The following RAP1GAP variants were observed in gnomAD, a reference collection of about 807,000 sequenced individuals.
RAP1GAP encodes rap1 GTPase-activating protein 1.
A neutral mutation model predicts 87.2 loss-of-function variants in RAP1GAP; 35 were observed. The observed-to-expected ratio is 0.40, with a 90% CI of 0.31 to 0.53. The LOEUF is 0.53. Among genes scored for constraint, RAP1GAP ranks in the 20% least tolerant of loss-of-function variants. The pLI is 0.48. For missense variants in RAP1GAP, 734 were observed against 898.9 expected (o/e 0.82, Z 2.35); for synonymous variants, 375 against 363.9 (o/e 1.03, Z -0.35).
rs553419960 is a variant in RAP1GAP at position 21,608,397 on chromosome 1, C to T, written c.1159-47G>A. 3 of 1,588,482 alleles carry T rather than the reference C, an allele frequency of 1.9e-6. No individual in the cohort carries two copies. The Admixed American group carries it at 5.2e-5, about 28-fold the overall frequency. On this transcript the variant is annotated intron_variant, in intron 16 of 24. Coordinates refer to ENST00000374765, the MANE Select transcript of RAP1GAP (RefSeq NM_002885.4). ...TCAGGAGGGACCCCAAGGATCAGCC[C>T]TTCGGCCCACAGTTCAAATCCTGGC...
chr1:21,603,034 C>T lies in RAP1GAP; in HGVS notation c.1429-121G>A, dbSNP rs547236640. ...AGCAGAGTTGATGAGCAAGAAAGAACGAGAGAAGATATCCATTCCCAGAGA... is the reference window on the plus strand; with the variant it reads ...AGCAGAGTTGATGAGCAAGAAAGAATGAGAGAAGATATCCATTCCCAGAGA... On this transcript the variant is annotated intron_variant, in intron 18 of 24. Transcript: ENST00000374765. The surrounding 1 kb of genome is among the most constrained non-coding windows in gnomAD (Gnocchi z 6.0). The T allele has an allele frequency of 1.6e-5, 11 of 680,914 alleles. No individual in the cohort carries two copies. Among genetic ancestry groups the T allele is most frequent in the Admixed American group, 5.6e-5 (2 of 35,536 alleles). The allele number at this position is 680,914 out of a possible 1,614,324, so 42.2% of individuals were successfully genotyped here.
intron 2 of RAP1GAP, among the ~76,000 whole-genome samples, chr1:21,627,287 CGCTGGTGGCCTACA>C (rs2092499642): frequency 6.6e-6 from 1 of 152,140 alleles, no homozygotes; most frequent in South Asian, 2.1e-4. Flanking sequence ...CTCAGATGAT[CGCTGGTGGCCTACA>C]GCAGGCTTGA....
rs1558653505 is a variant in RAP1GAP, at chr1:21,608,911, A to T, written c.1097T>A (p.Leu366Gln). ...RKGPEFQEFL[L>Q]TKLINAEYAC... ...ATATTCAGCATTGATCAGCTTTGTC[A>T]GCAAAAATTCCTGGAACTCAGGCCC... Residue 366 changes from leucine to glutamine, a missense_variant, in exon 16 of 25, where the codon CTG becomes CAG. Transcript: ENST00000374765. 6.2e-7 allele frequency: 1 copy of T among 1,614,128 alleles called. No individual in the cohort carries two copies. Among genetic ancestry groups the T allele is most frequent in the Non-Finnish European group, 8.5e-7 (1 of 1,179,976 alleles).
intron 1 of RAP1GAP, among the ~76,000 whole-genome samples, chr1:21,660,611 G>T (rs1226149342): frequency 6.6e-6 from 1 of 151,908 alleles, no homozygotes; most frequent in Non-Finnish European, 1.5e-5. Flanking sequence ...CAGGATTACA[G>T]GCAAGAGCCA....
chr1:21,606,812 G>C (rs2074959704), intron 17 of RAP1GAP, among the ~76,000 whole-genome samples: 2 of 152,312 alleles, frequency 1.3e-5, no homozygotes, highest in South Asian at 4.1e-4. Context: ...GCAGGGGTGA[G>C]CCCGGCATGC....
At chr1:21,608,475 C>T (rs1242284875) in intron 16 of RAP1GAP, 125 bp from the exon 17 acceptor site, 16 of 1,307,268 alleles carry the variant, frequency 1.2e-5, no homozygotes, top group Admixed American at 5.2e-5. Flanking sequence ...GTGGGGAGGG[C>T]GGAGGGCTCC....
In RAP1GAP at chr1:21,637,972, CA is replaced by C. The variant is rs35411110; in HGVS notation, c.-112-11576del. Among the ~76,000 whole-genome samples the C allele has an allele frequency of 9.7e-3, 680 of 70,128 alleles. 2 individuals carry two copies. The highest frequency in any genetic ancestry group is 0.02 in the African/African-American group (333 of 17,032). 46.0% of individuals were successfully genotyped at this position (70,128 alleles called of 152,430 possible). A position where few individuals can be genotyped will look rare whatever the true frequency, so the allele number is the denominator to read the frequency against. On this transcript the variant is annotated intron_variant, in intron 2 of 24. Coordinates refer to ENST00000374765, the MANE Select transcript of RAP1GAP (RefSeq NM_002885.4). ...CAACATAGCAAAACCCCATCTCTAC[CA>C]AAAAAAAAAAAAAAAAAAACCACAA... is the stretch of plus-strand genomic sequence containing the variant.
At chr1:21,637,947 C>A (rs1420274230) in intron 2 of RAP1GAP, among the ~76,000 whole-genome samples, 1 of 96,708 alleles carries the variant, frequency 1.0e-5, no homozygotes, top group Non-Finnish European at 1.9e-5. Context: ...CCATCCTGGG[C>A]AACATAGCAA....
intron 3 of RAP1GAP, 143 bp from the exon 4 acceptor site, chr1:21,620,193 G>A (rs1376154284): frequency 7.3e-6 from 6 of 826,176 alleles, no homozygotes; most frequent in Middle Eastern, 2.3e-4. Context: ...AGTGACGGGA[G>A]CATCGTGGGA....
chr1:21,608,196 G>A lies in RAP1GAP; in HGVS notation c.1296+17C>T, dbSNP rs745551645. 1.2e-6 allele frequency: 2 copies of A among 1,613,146 alleles called. No individual in the cohort carries two copies. The highest frequency in any genetic ancestry group is 4.5e-5 in the East Asian group (2 of 44,858). On this transcript the variant is annotated intron_variant, in intron 17 of 24. Transcript: ENST00000374765. ...CACGTCCCTGCTCCCCGGCCAGTTAGACCTGGGGCCCTTCACCTTGAAAGA... is the reference window on the plus strand; with the variant it reads ...CACGTCCCTGCTCCCCGGCCAGTTAAACCTGGGGCCCTTCACCTTGAAAGA...
chr1:21,611,331 C>T lies in RAP1GAP; in HGVS notation c.843+121G>A, dbSNP rs1000976872. ...CAACGAGACCCCACAAGTGGGGGCG[C>T]TGATCATTTCCATCTCCATCCCAGG... On this transcript the variant is annotated intron_variant, in intron 13 of 24. Coordinates refer to ENST00000374765, the MANE Select transcript of RAP1GAP (RefSeq NM_002885.4). 1.5e-5 allele frequency: 20 copies of T among 1,358,716 alleles called. No homozygotes were observed. The South Asian group carries it at 2.8e-4, about 19-fold the overall frequency. The allele number at this position is 1,358,716 out of a possible 1,614,324, so 84.2% of individuals were successfully genotyped here.
rs2149535145 is a variant in RAP1GAP, at chr1:21,615,490, CA to C, written c.292-1402del. 6.6e-6 allele frequency among the ~76,000 whole-genome samples: 1 copy of C among 152,226 alleles called. No individual in the cohort carries two copies. The highest frequency in any genetic ancestry group is 1.5e-5 in the Non-Finnish European group (1 of 68,010). ...CACTGCAATCTCCACCTCCCAGGTT[CA>C]AGCGATTCTCCTGCCTCAGCCTCCT... On this transcript the variant is annotated intron_variant, in intron 7 of 24. Transcript: ENST00000374765. The surrounding 1 kb of genome is among the most constrained non-coding windows in gnomAD (Gnocchi z 4.5).
intron 2 of RAP1GAP, among the ~76,000 whole-genome samples, chr1:21,637,734 T>C (rs1164755948): frequency 4.6e-5 from 7 of 152,066 alleles, no homozygotes; most frequent in East Asian, 3.8e-4. Context: ...ACAAAGAAGG[T>C]CTTTAGTCTT....
intron 1 of RAP1GAP, chr1:21,665,193 A>G (rs1249681069): frequency 2.0e-6 from 1 of 501,336 alleles, no homozygotes; most frequent in Non-Finnish European, 4.0e-6. Flanking sequence ...ACAGACTCAG[A>G]GGGAGAGAGG....
intron 2 of RAP1GAP, among the ~76,000 whole-genome samples, chr1:21,632,361 G>A (rs947094826): frequency 3.3e-5 from 5 of 152,216 alleles, no homozygotes; most frequent in Non-Finnish European, 7.3e-5. Flanking sequence ...CGTGAGTGCA[G>A]TTCTTTGTAC....
intron 1 of RAP1GAP, among the ~76,000 whole-genome samples, chr1:21,656,259 C>T (rs932554545): frequency 1.1e-4 from 16 of 151,712 alleles, no homozygotes; most frequent in African/African-American, 3.1e-4. Context: ...GGTGAAACCC[C>T]GTCTCTATTA....
rs1443667254 is a variant in RAP1GAP, at chr1:21,668,460, C to G, written c.-149+794G>C. The G allele has an allele frequency of 6.6e-6, 1 of 152,554 alleles. No homozygotes were observed. Among genetic ancestry groups the G allele is most frequent in the Admixed American group, 6.5e-5 (1 of 15,286 alleles). 9.5% of individuals were successfully genotyped at this position (152,554 alleles called of 1,614,324 possible). On this transcript the variant is annotated intron_variant, in intron 1 of 24. Transcript: ENST00000374765. This position sits in a 1 kb window ranked among gnomAD's most constrained non-coding sequence, Gnocchi z 6.2. ...TGTGCTATGACCCCAACAAGGACTC[C>G]GAGGGCATGCACAGGCTGGGGTCTG... is the stretch of plus-strand genomic sequence containing the variant.
intron 2 of RAP1GAP, among the ~76,000 whole-genome samples, chr1:21,633,446 T>C (rs2094153257): frequency 6.6e-6 from 1 of 152,160 alleles, no homozygotes; most frequent in African/African-American, 2.4e-5. Flanking sequence ...ATTGATGCTT[T>C]GAAATTCAAC....
chr1:21,618,352 G>A (rs1336536633), intron 5 of RAP1GAP, among the ~76,000 whole-genome samples: 1 of 152,188 alleles, frequency 6.6e-6, no homozygotes, highest in Non-Finnish European at 1.5e-5. Context: ...GAGAGCATCA[G>A]GCTTACTGCC....
Sources: gnomAD v4.1 joint callset for allele counts (sites outside exome capture counted in the v4.1 genomes callset) on GRCh38, gnomAD v4.1.1 for gene constraint, Gnocchi (gnomAD v3.1) non-coding constraint, MANE v1.5 for transcripts, NCBI Gene and HGNC (gene_info 2026-07-23, HGNC 2026-07-21) for gene names.